Variants in MID1 observed in about 807,000 individuals in gnomAD.
The protein encoded by MID1 is midline 1.
Under a neutral mutation model 40.4 loss-of-function variants are expected in MID1, and 7 were observed. That is an observed-to-expected ratio of 0.17 (90% CI 0.10 to 0.33). The LOEUF is 0.33. Among genes scored for constraint, MID1 ranks in the 10% least tolerant of loss-of-function variants. The pLI is 1.00. For missense variants in MID1, 367 were observed against 558.5 expected, an observed-to-expected ratio of 0.66 and a Z score of 3.46; for synonymous variants, 229 against 221.2, an observed-to-expected ratio of 1.04 and a Z score of -0.31.
chrX:10,777,529 T>C (rs954722295), intron 1 of MID1, among the ~76,000 whole-genome samples: 9 of 108,430 alleles, frequency 8.3e-5, no homozygotes, highest in African/African-American at 3.0e-4. Context: ...ATATAAGCTC[T>C]TTTCTTTTCT....
At chrX:10,787,380 T>A (rs1045269726) in intron 1 of MID1, among the ~76,000 whole-genome samples, 3 of 109,547 alleles carry the variant, frequency 2.7e-5, no homozygotes, top group Non-Finnish European at 5.7e-5. Flanking sequence ...TATATTTTTT[T>A]AAATTTGAAT....
At chrX:10,580,119 C>T (rs1421860263) in intron 1 of MID1, among the ~76,000 whole-genome samples, 1 of 109,785 alleles carries the variant, frequency 9.1e-6, no homozygotes, top group Non-Finnish European at 1.9e-5. Context: ...CACATACACA[C>T]ACACACACAC....
chrX:10,758,084 C>A (rs764619107), intron 1 of MID1, among the ~76,000 whole-genome samples: 1 of 109,010 alleles, frequency 9.2e-6, no homozygotes, highest in African/African-American at 3.3e-5. Context: ...CCACCTCAGC[C>A]TCCCAAGCAG....
intron 7 of MID1, among the ~76,000 whole-genome samples, chrX:10,463,464 A>G (rs1158760916): frequency 1.8e-5 from 2 of 112,055 alleles, no homozygotes; most frequent in Non-Finnish European, 3.8e-5. Context: ...TTGTCACGCA[A>G]TACAACATCT....
In MID1 at chrX:10,449,562, C is replaced by G; in HGVS notation, c.1810G>C (p.Val604Leu). ...TTATCATAGTCCAGCAGGATGCCCACGCGCCGGAGGTGGGGGGCAGGCTCA... is the reference window on the plus strand; with the variant it reads ...TTATCATAGTCCAGCAGGATGCCCAGGCGCCGGAGGTGGGGGGCAGGCTCA... ...PIEPAPHLRR[V>L]GILLDYDNGS... Residue 604 changes from valine (V) to leucine (L), a missense_variant, in exon 10 of 10, where the codon GTG (valine) becomes CTG (leucine). Transcript: ENST00000317552. The G allele has an allele frequency of 3.3e-6, 4 of 1,211,705 alleles. No individual in the cohort carries two copies. Among genetic ancestry groups the G allele is most frequent in the Non-Finnish European group, 2.2e-6 (2 of 895,517 alleles).
intron 1 of MID1, among the ~76,000 whole-genome samples, chrX:10,710,960 C>T (rs144786169): frequency 0.017 from 1,914 of 111,378 alleles, 19 homozygotes; most frequent in Non-Finnish European, 0.026. Flanking sequence ...AGACAGAAAC[C>T]GGCCATGTCT....
intron 1 of MID1, among the ~76,000 whole-genome samples, chrX:10,620,071 G>C (rs926015448): frequency 1.8e-5 from 2 of 112,334 alleles, no homozygotes; most frequent in African/African-American, 6.5e-5. Context: ...ACCACAATTA[G>C]AGGCAAAAGT....
chrX:10,765,942 G>GAAA (rs1376136707), intron 1 of MID1, among the ~76,000 whole-genome samples: 65 of 65,410 alleles, frequency 9.9e-4, no homozygotes, highest in African/African-American at 3.8e-3. Flanking sequence ...GGAAAGGAAA[G>GAAA]GAAAGAAAGA....
chrX:10,507,532 C>T (rs943696976), intron 3 of MID1, among the ~76,000 whole-genome samples: 1 of 112,518 alleles, frequency 8.9e-6, no homozygotes, highest in African/African-American at 3.2e-5. Flanking sequence ...TTAAAGCAAT[C>T]CTTTGTTTCA....
chrX:10,736,869 G>A (rs1212121098), intron 1 of MID1, among the ~76,000 whole-genome samples: 1 of 111,974 alleles, frequency 8.9e-6, no homozygotes, highest in Admixed American at 9.5e-5. Context: ...CATGGTTCAT[G>A]ATAATGTCCT....
intron 1 of MID1, among the ~76,000 whole-genome samples, chrX:10,757,212 T>G (rs2043638011): frequency 8.9e-6 from 1 of 112,383 alleles, no homozygotes; most frequent in African/African-American, 3.2e-5. Flanking sequence ...CTGCTGCTAG[T>G]GCAAGGATCA....
chrX:10,807,878 T>A (rs2044058948), intron 1 of MID1, among the ~76,000 whole-genome samples: 1 of 112,152 alleles, frequency 8.9e-6, no homozygotes, highest in Admixed American at 9.4e-5. Flanking sequence ...AGGCACATCC[T>A]AGAACTTCTG....
At chrX:10,801,585 G>GA (rs1315052237) in intron 1 of MID1, among the ~76,000 whole-genome samples, 1 of 111,273 alleles carries the variant, frequency 9.0e-6, no homozygotes, top group East Asian at 2.8e-4. Flanking sequence ...CTTCAAAAAT[G>GA]AAAAAAATGG....
chrX:10,497,057 A>T (rs1018875579), intron 3 of MID1, among the ~76,000 whole-genome samples: 14 of 112,273 alleles, frequency 1.2e-4, no homozygotes, highest in African/African-American at 4.5e-4. Flanking sequence ...CATTTCTCTT[A>T]TTGTTATTTT....
At chrX:10,797,023 G>A (rs1228775400) in intron 1 of MID1, among the ~76,000 whole-genome samples, 4 of 110,879 alleles carry the variant, frequency 3.6e-5, no homozygotes, top group Non-Finnish European at 7.5e-5. Flanking sequence ...ATAAAGTGTG[G>A]TGTTGTCTCT....
At chrX:10,794,279 C>G (rs1213790766) in intron 1 of MID1, among the ~76,000 whole-genome samples, 1 of 112,094 alleles carries the variant, frequency 8.9e-6, no homozygotes, top group Non-Finnish European at 1.9e-5. Context: ...TCCCCACCCC[C>G]AAGGTTCCAT....
intron 1 of MID1, among the ~76,000 whole-genome samples, chrX:10,701,688 GTTGT>G (rs201423457): frequency 0.02 from 2,192 of 112,340 alleles, 26 homozygotes; most frequent in Non-Finnish European, 0.031. Context: ...TTGGACATTG[GTTGT>G]TTATTATAGC....
intron 1 of MID1, among the ~76,000 whole-genome samples, chrX:10,786,052 T>A (rs1446446590): frequency 9.0e-6 from 1 of 111,006 alleles, no homozygotes; most frequent in East Asian, 2.8e-4. Context: ...GGGAGAAAAT[T>A]TTTGCAATCT....
chrX:10,527,410 T>A (rs1220508862), intron 2 of MID1, among the ~76,000 whole-genome samples: 2 of 112,002 alleles, frequency 1.8e-5, no homozygotes, highest in East Asian at 5.6e-4. Context: ...TAAATCTACC[T>A]ATCTATACTA....
Sources: gnomAD v4.1 joint callset for allele counts (sites outside exome capture counted in the v4.1 genomes callset) on GRCh38, gnomAD v4.1.1 for gene constraint, MANE v1.5 for transcripts, NCBI Gene and HGNC (gene_info 2026-07-23, HGNC 2026-07-21) for gene names.